The following LINGO2 variants were observed in gnomAD, a reference collection of about 807,000 sequenced individuals.
LINGO2 encodes leucine rich repeat and Ig domain containing 2.
A neutral mutation model predicts 30.6 loss-of-function variants in LINGO2; 14 were observed. The observed-to-expected ratio is 0.46, with a 90% confidence interval of 0.30 to 0.72. LINGO2 has a LOEUF of 0.72. Among genes scored for constraint, LINGO2 ranks in the 30% least tolerant of loss-of-function variants. The pLI is 0.07. For synonymous variants in LINGO2, 317 were observed against 288.5 expected, an observed-to-expected ratio of 1.10 and a Z score of -1.00; for missense variants, 729 against 751.7, an observed-to-expected ratio of 0.97 and a Z score of 0.35.
chr9:28,241,286 AAAAAAAG>A (rs1821783522), intron 4 of LINGO2, among the ~76,000 whole-genome samples: 2 of 70,944 alleles, frequency 2.8e-5, no homozygotes, highest in East Asian at 5.2e-4. Flanking sequence ...AAAAAAAAAA[AAAAAAAG>A]AAAAAAGAAA....
At chr9:28,937,949 C>T in the LINGO2 span, among the ~76,000 whole-genome samples, 1 of 152,120 alleles carries the variant, frequency 6.6e-6, no homozygotes, top group Non-Finnish European at 1.5e-5. Context: ...AACCCTCCAC[C>T]CCTGAAAAGA....
chr9:29,200,521 CTA>C, the LINGO2 span, among the ~76,000 whole-genome samples: 1 of 151,902 alleles, frequency 6.6e-6, no homozygotes, highest in Admixed American at 6.6e-5. Flanking sequence ...TGTAAATTGG[CTA>C]TGTTTTAATT....
chr9:28,152,072 AT>A (rs1828015613), intron 4 of LINGO2, among the ~76,000 whole-genome samples: 1 of 152,236 alleles, frequency 6.6e-6, no homozygotes, highest in Non-Finnish European at 1.5e-5. Context: ...TGGCAAAAGA[AT>A]AGGCAGATTA....
chr9:29,211,712 G>A, the LINGO2 span, among the ~76,000 whole-genome samples: 2 of 152,110 alleles, frequency 1.3e-5, no homozygotes, highest in East Asian at 3.9e-4. Context: ...AAGAGGAAAA[G>A]AAGAGGGTGT....
chr9:28,053,057 T>C (rs1185988224), intron 4 of LINGO2, among the ~76,000 whole-genome samples: 1 of 152,076 alleles, frequency 6.6e-6, no homozygotes, highest in Non-Finnish European at 1.5e-5. Context: ...CAGAGAGTAA[T>C]ACAAAGCAGT....
intron 1 of LINGO2, among the ~76,000 whole-genome samples, chr9:28,561,707 A>G (rs1382750994): frequency 1.2e-5 from 1 of 81,098 alleles, no homozygotes. Context: ...ATATATATAA[A>G]TTATATATAA....
At chr9:28,376,184 C>A (rs1821123439) in intron 2 of LINGO2, among the ~76,000 whole-genome samples, 1 of 151,620 alleles carries the variant, frequency 6.6e-6, no homozygotes, top group Non-Finnish European at 1.5e-5. Context: ...CTGTGTTACC[C>A]CATAAGGTAG....
chr9:28,729,553 A>T, the LINGO2 span, among the ~76,000 whole-genome samples: 4 of 152,206 alleles, frequency 2.6e-5, no homozygotes, highest in South Asian at 6.2e-4. Flanking sequence ...GTCAAGAAAC[A>T]TTCCAAGAAC....
At chr9:28,722,142 GA>G in the LINGO2 span, among the ~76,000 whole-genome samples, 3 of 151,910 alleles carry the variant, frequency 2.0e-5, no homozygotes, top group Non-Finnish European at 4.4e-5. Context: ...TCTATTTCAA[GA>G]AATGACATAA....
intron 5 of LINGO2, among the ~76,000 whole-genome samples, chr9:27,989,455 G>T (rs200147568): frequency 1.1e-5 from 1 of 87,012 alleles, no homozygotes; most frequent in Non-Finnish European, 3.2e-5. Flanking sequence ...CTGTGTGTGT[G>T]TGTGTGTGTG....
chr9:28,122,059 A>G, intron 4 of LINGO2, among the ~76,000 whole-genome samples: 1 of 152,174 alleles, frequency 6.6e-6, no homozygotes, highest in East Asian at 1.9e-4. Flanking sequence ...GAGAGGACTT[A>G]ATTCCTGGTG....
intron 4 of LINGO2, among the ~76,000 whole-genome samples, chr9:28,174,095 G>C (rs2133676295): frequency 6.6e-6 from 1 of 152,246 alleles, no homozygotes; most frequent in African/African-American, 2.4e-5. Flanking sequence ...TTGCAGAACA[G>C]AATAATGGGA....
Position 28,057,540 on chromosome 9 carries a change from CAT to C in LINGO2, c.-86-45137_-86-45136del, listed in dbSNP as rs1554667216. 1.6e-4 allele frequency among the ~76,000 whole-genome samples: 24 copies of C among 148,064 alleles called. No individual in the cohort carries two copies. In the South Asian group the frequency reaches 4.9e-3, roughly 30 times the overall value. On this transcript the variant is annotated intron_variant, in intron 4 of 5. Transcript: ENST00000379992. ...ATGTGTGTATATATATACACACACA[CAT>C]ATGTATATAAGTATATATATATACA...
the LINGO2 span, among the ~76,000 whole-genome samples, chr9:28,689,428 T>C: frequency 6.6e-6 from 1 of 152,052 alleles, no homozygotes; most frequent in African/African-American, 2.4e-5. Flanking sequence ...AAAGAAGATA[T>C]ACATGCTGCT....
At chr9:28,513,082 C>G (rs1820476492) in intron 1 of LINGO2, among the ~76,000 whole-genome samples, 1 of 91,446 alleles carries the variant, frequency 1.1e-5, no homozygotes, top group East Asian at 3.5e-4. Context: ...TATTAACCAT[C>G]ATACACACAC....
chr9:28,575,761 G>A (rs1823944737), intron 1 of LINGO2, among the ~76,000 whole-genome samples: 1 of 152,130 alleles, frequency 6.6e-6, no homozygotes, highest in Non-Finnish European at 1.5e-5. Flanking sequence ...GGATAGATAA[G>A]ATAGGAAACT....
At chr9:28,969,261 T>C in the LINGO2 span, among the ~76,000 whole-genome samples, 17,945 of 152,070 alleles carry the variant, frequency 0.12, 1,046 homozygotes, top group South Asian at 0.16. Flanking sequence ...AGCACATCCC[T>C]TATTGAAAAG....
At chr9:28,969,576 T>C in the LINGO2 span, among the ~76,000 whole-genome samples, 2 of 152,218 alleles carry the variant, frequency 1.3e-5, no homozygotes, top group East Asian at 3.9e-4. Flanking sequence ...CAGGTAGAGG[T>C]GAAAGCAGAA....
chr9:28,322,384 A>G (rs1180271095), intron 3 of LINGO2, among the ~76,000 whole-genome samples: 1 of 152,058 alleles, frequency 6.6e-6, no homozygotes, highest in African/African-American at 2.4e-5. Context: ...ATTCACTGAG[A>G]ATAGTAAGCC....
Sources: gnomAD v4.1 joint callset for allele counts (sites outside exome capture counted in the v4.1 genomes callset) on GRCh38, gnomAD v4.1.1 for gene constraint, MANE v1.5 for transcripts, NCBI Gene and HGNC (gene_info 2026-07-23, HGNC 2026-07-21) for gene names.